RBFOX1: variants seen among roughly 807,000 people sequenced by gnomAD.
RBFOX1 encodes RNA binding protein fox-1 homolog 1.
In RBFOX1, 8 loss-of-function variants were observed where a neutral mutation model predicts 57.7. That is an observed-to-expected ratio of 0.14 (90% CI 0.08 to 0.25). The LOEUF (loss-of-function observed/expected upper bound fraction) is 0.25, where lower values mean the gene tolerates loss of function less well. RBFOX1 is among the 10% of genes least tolerant of loss of function. The probability of loss-of-function intolerance (pLI) is 1.00; values close to 1 mark genes in which losing one functional copy is unlikely to be tolerated. For missense variants in RBFOX1, 611 were observed against 548.5 expected (o/e 1.11, Z -1.14); for synonymous variants, 326 against 222.4 (o/e 1.47, Z -4.15).
At chr16:5,631,027 A>G (rs979542451) in intron 3 of RBFOX1, among the ~76,000 whole-genome samples, 4 of 152,216 alleles carry the variant, frequency 2.6e-5, no homozygotes, top group African/African-American at 4.8e-5. Flanking sequence ...TCGCACTTGT[A>G]TCTAGAGGTT....
intron 4 of RBFOX1, among the ~76,000 whole-genome samples, chr16:7,404,525 G>A (rs897962228): frequency 2.6e-5 from 4 of 152,128 alleles, no homozygotes; most frequent in Admixed American, 1.3e-4. Flanking sequence ...CCATAGATAG[G>A]TGCTATTATC....
At chr16:6,898,147 A>T (rs562611100) in intron 3 of RBFOX1, among the ~76,000 whole-genome samples, 1 of 152,334 alleles carries the variant, frequency 6.6e-6, no homozygotes, top group South Asian at 2.1e-4. Context: ...TTGCCAAATC[A>T]TGCATCATAA....
chr16:6,266,317 T>G (rs1038589648), intron 1 of RBFOX1, among the ~76,000 whole-genome samples: 2 of 152,234 alleles, frequency 1.3e-5, no homozygotes, highest in African/African-American at 4.8e-5. Context: ...TACTGCAGCG[T>G]CTAGCCCATC....
intron 2 of RBFOX1, among the ~76,000 whole-genome samples, chr16:6,653,666 T>C: frequency 7.2e-6 from 1 of 139,582 alleles, no homozygotes; most frequent in East Asian, 2.2e-4. Context: ...AATGGGTGGG[T>C]GGAGGGATGA....
intron 4 of RBFOX1, among the ~76,000 whole-genome samples, chr16:7,155,664 A>C (rs1221060166): frequency 7.2e-6 from 1 of 139,380 alleles, no homozygotes; most frequent in Non-Finnish European, 1.5e-5. Flanking sequence ...TGGAAGAGCT[A>C]TCAGCCACTT....
chr16:6,635,828 A>G (rs576146928), intron 2 of RBFOX1, among the ~76,000 whole-genome samples: 52 of 152,332 alleles, frequency 3.4e-4, no homozygotes, highest in African/African-American at 1.2e-3. Flanking sequence ...ATTCACCTGA[A>G]TAAGTATAGT....
chr16:5,585,617 G>T (rs953761849), intron 2 of RBFOX1, among the ~76,000 whole-genome samples: 1 of 152,198 alleles, frequency 6.6e-6, no homozygotes, highest in East Asian at 1.9e-4. Context: ...GGGATATCCC[G>T]ATGAAAGGGC....
At chr16:7,445,317 C>G (rs558392816) in intron 4 of RBFOX1, among the ~76,000 whole-genome samples, 1 of 152,258 alleles carries the variant, frequency 6.6e-6, no homozygotes, top group East Asian at 1.9e-4. Flanking sequence ...ATCTTAGCTT[C>G]TGAACAATAG....
At chr16:7,165,160 T>C (rs2079159147) in intron 4 of RBFOX1, among the ~76,000 whole-genome samples, 1 of 152,092 alleles carries the variant, frequency 6.6e-6, no homozygotes, top group East Asian at 1.9e-4. Context: ...TTGTGTTGAA[T>C]ATCATGTCAA....
At chr16:7,657,447 G>A (rs1318824409) in intron 12 of RBFOX1, among the ~76,000 whole-genome samples, 1 of 152,152 alleles carries the variant, frequency 6.6e-6, no homozygotes, top group Non-Finnish European at 1.5e-5. Flanking sequence ...TGGGATTACA[G>A]GTGCCCGCCA....
intron 4 of RBFOX1, among the ~76,000 whole-genome samples, chr16:7,212,712 C>A (rs941919789): frequency 3.3e-5 from 5 of 152,134 alleles, no homozygotes; most frequent in African/African-American, 1.2e-4. Context: ...GGACAAATAC[C>A]TAAAGCATGT....
At chr16:6,376,800 C>T (rs1235913860) in intron 2 of RBFOX1, among the ~76,000 whole-genome samples, 5 of 152,160 alleles carry the variant, frequency 3.3e-5, no homozygotes, top group African/African-American at 1.2e-4. Context: ...TTAGCAGCGC[C>T]ATGCATTCTT....
intron 3 of RBFOX1, among the ~76,000 whole-genome samples, chr16:5,712,906 A>C (rs2051547043): frequency 6.6e-6 from 1 of 152,162 alleles, no homozygotes; most frequent in African/African-American, 2.4e-5. Flanking sequence ...AATATTGACT[A>C]GTCATGTTTT....
In RBFOX1 at chr16:6,004,512, T is replaced by C. The variant is rs187731662; in HGVS notation, c.351+137177T>C. Among the ~76,000 whole-genome samples the C allele has an allele frequency of 6.2e-3, 947 of 152,326 alleles. 5 individuals carry two copies. The highest frequency in any genetic ancestry group is 0.011 in the Non-Finnish European group (717 of 68,028). ...GCAATACTTGGCATATCAGAGACTTTTAGTCTATGGCCACTCAATGAATGT... is the reference window on the plus strand; with the variant it reads ...GCAATACTTGGCATATCAGAGACTTCTAGTCTATGGCCACTCAATGAATGT... On this transcript the variant is annotated intron_variant, in intron 4 of 19. Transcript: ENST00000641259.
rs192531227 is a variant in RBFOX1 at position 6,195,642 on chromosome 16, C to T, written c.-126-121353C>T. ...GCTGAGGCAGGAGAATCACTTGAAC[C>T]CGGGTGGTGGAGGTTGCAGTGAGCC... On this transcript the variant is annotated intron_variant, in intron 1 of 15. Coordinates refer to ENST00000550418, the MANE Select transcript of RBFOX1 (RefSeq NM_018723.4). 1.6e-4 allele frequency among the ~76,000 whole-genome samples: 24 copies of T among 152,036 alleles called. No homozygotes were observed. In the East Asian group the frequency reaches 4.3e-3, roughly 27 times the overall value.
In RBFOX1 at chr16:6,949,446, G is replaced by A. The variant is rs73545308; in HGVS notation, c.-15-102611G>A. ...AAATACCACAGGCTGGGTTGCGTAA[G>A]CAACACAGATTTGTTTTCTTACCCT... On this transcript the variant is annotated intron_variant, in intron 3 of 15. Coordinates refer to ENST00000550418, the MANE Select transcript of RBFOX1 (RefSeq NM_018723.4). Among the ~76,000 whole-genome samples, 3 of 152,164 alleles carry A rather than the reference G, an allele frequency of 2.0e-5. 1 individual carries two copies. Among genetic ancestry groups the A allele is most frequent in the African/African-American group, 7.2e-5 (3 of 41,434 alleles).
chr16:6,632,990 TA>T (rs1461902624), intron 2 of RBFOX1, among the ~76,000 whole-genome samples: 1 of 152,052 alleles, frequency 6.6e-6, no homozygotes, highest in Non-Finnish European at 1.5e-5. Context: ...AATAAATAAA[TA>T]TAAAAAGGAG....
chr16:5,594,969 TAA>T (rs34885484), intron 2 of RBFOX1, among the ~76,000 whole-genome samples: 29,198 of 89,516 alleles, frequency 0.33, 4,266 homozygotes, highest in East Asian at 0.55. Context: ...CTGTCTCTAC[TAA>T]AAAAAAAAAA....
chr16:7,433,051 C>G (rs2098694711), intron 4 of RBFOX1, among the ~76,000 whole-genome samples: 1 of 152,146 alleles, frequency 6.6e-6, no homozygotes, highest in South Asian at 2.1e-4. Context: ...CCCGCATAAT[C>G]TTGTTTTCCC....
Sources: gnomAD v4.1 joint callset for allele counts (sites outside exome capture counted in the v4.1 genomes callset) on GRCh38, gnomAD v4.1.1 for gene constraint, MANE v1.5 for transcripts, NCBI Gene and HGNC (gene_info 2026-07-23, HGNC 2026-07-21) for gene names.